EPN3: variants seen among roughly 807,000 people sequenced by gnomAD.
EPN3 encodes epsin 3.
A neutral mutation model predicts 55.5 loss-of-function variants in EPN3; 56 were observed. The observed-to-expected ratio is 1.01, with a 90% CI of 0.81 to 1.26. EPN3 has a LOEUF of 1.26. Among genes scored for constraint, EPN3 ranks in the 50% most tolerant of loss-of-function variants. EPN3 has a pLI of 0.00. For missense variants in EPN3, 927 were observed against 853.4 expected, an observed-to-expected ratio of 1.09 and a Z score of -1.07; for synonymous variants, 449 against 375.2, an observed-to-expected ratio of 1.20 and a Z score of -2.27.
In EPN3 at chr17:50,536,718, C is replaced by T. The variant is rs754441258; in HGVS notation, c.162C>T (p.Thr54=). 26 of 1,614,128 alleles carry T rather than the reference C, an allele frequency of 1.6e-5. No homozygotes were observed. The South Asian group carries it at 2.4e-4, about 15-fold the overall frequency. Residue 54 remains threonine (T), a synonymous_variant, in exon 2 of 10, where the codon ACC becomes ACT. Coordinates refer to ENST00000268933, the MANE Select transcript of EPN3 (RefSeq NM_017957.3). The part of the protein sequence containing the change: ...ADLTFNTVAF[T]EVMGMLWRRL... ...TGACCTTCAACACAGTGGCCTTCACCGAAGTCATGGGCATGCTGTGGCGGC... is the reference window on the plus strand; with the variant it reads ...TGACCTTCAACACAGTGGCCTTCACTGAAGTCATGGGCATGCTGTGGCGGC...
At chr17:50,540,490 G>T (rs566702387) in intron 6 of EPN3, among the ~76,000 whole-genome samples, 156 bp downstream of exon 6, 1 of 152,294 alleles carries the variant, frequency 6.6e-6, no homozygotes, top group South Asian at 2.1e-4. Flanking sequence ...ACAGGCTTTC[G>T]TAGTGAGGGC....
At chr17:50,538,342 C>T (rs762433864) in intron 3 of EPN3, 145 bp downstream of exon 3, 16 of 628,136 alleles carry the variant, frequency 2.5e-5, no homozygotes, top group Non-Finnish European at 3.8e-5. Context: ...TTATCTCTGT[C>T]GGTTTGTCGC....
At chr17:50,541,792 C>G in intron 9 of EPN3, 52 bp from the exon 10 acceptor site, 9 of 1,609,502 alleles carry the variant, frequency 5.6e-6, no homozygotes, top group Non-Finnish European at 7.6e-6. Flanking sequence ...CCACGACCTC[C>G]CGGTGTAGGG....
intron 4 of EPN3, 40 bp downstream of exon 4, chr17:50,539,004 G>A (rs1013642014): frequency 3.2e-6 from 5 of 1,564,878 alleles, no homozygotes; most frequent in Admixed American, 1.8e-5. Context: ...TGCTGCTGCT[G>A]CTGCTGGTGG....
chr17:50,536,424 C>A lies in EPN3; in HGVS notation c.-133C>A. ...TTCCTGGCCCTCTCTTCCTCAGCCC[C>A]ATGTGGAACCCAAGGATGCAGCTGC... On this transcript the variant is annotated 5_prime_UTR_variant, in exon 2 of 10. Coordinates refer to ENST00000268933, the MANE Select transcript of EPN3 (RefSeq NM_017957.3). 6.6e-7 allele frequency: 1 copy of A among 1,515,632 alleles called. No homozygotes were observed. Among genetic ancestry groups the A allele is most frequent in the East Asian group, 2.3e-5 (1 of 43,296 alleles). 93.9% of individuals were successfully genotyped at this position (1,515,632 alleles called of 1,614,324 possible).
At chr17:50,537,159 C>T (rs1473336291) in intron 2 of EPN3, 41 bp downstream of exon 2, 2 of 1,510,468 alleles carry the variant, frequency 1.3e-6, no homozygotes, top group Non-Finnish European at 1.8e-6. Context: ...GGGAGGTGGC[C>T]CGACTTCCAT....
Position 50,541,229 on chromosome 17 carries a change from G to T in EPN3, c.1250G>T (p.Gly417Val). ...GASLETSDTP[G>V]GASTFDPFAK... ...CTCCTCTTCCTCTCTCTCTTCCGAG[G>T]TGGTGCCTCGACCTTTGACCCATTT... Residue 417 changes from glycine (G) to valine (V), a missense_variant and splice_region_variant, in exon 8 of 10, where the codon GGT (glycine) becomes GTT (valine). Transcript: ENST00000268933. 1 of 1,613,724 alleles carries T rather than the reference G, an allele frequency of 6.2e-7. No homozygotes were observed. Among genetic ancestry groups the T allele is most frequent in the South Asian group, 1.1e-5 (1 of 91,078 alleles).
In EPN3 at chr17:50,537,094, C is replaced by T. The variant is rs750549248; in HGVS notation, c.538C>T (p.Arg180Trp). The T allele has an allele frequency of 1.1e-5, 17 of 1,606,452 alleles. No individual in the cohort carries two copies. Among genetic ancestry groups the T allele is most frequent in the African/African-American group, 4.0e-5 (3 of 74,862 alleles). ...RRYGEDYSRS[R>W]GSPSSYNSSS... Reference sequence around the variant, plus strand: ...CTACGGCGAGGACTACAGCCGCTCCCGGGGCTCCCCGTCCTCCTACAACTG... The same window carrying T: ...CTACGGCGAGGACTACAGCCGCTCCTGGGGCTCCCCGTCCTCCTACAACTG... Residue 180 changes from arginine to tryptophan, a missense_variant, in exon 2 of 10, where the codon CGG becomes TGG. Coordinates refer to ENST00000268933, the MANE Select transcript of EPN3 (RefSeq NM_017957.3).
Position 50,536,518 on chromosome 17 carries a change from C to T in EPN3, c.-39C>T, listed in dbSNP as rs535598901. 6.6e-5 allele frequency: 106 copies of T among 1,611,622 alleles called. No homozygotes were observed. The highest frequency in any genetic ancestry group is 1.7e-4 in the Admixed American group (10 of 60,012). On this transcript the variant is annotated 5_prime_UTR_variant, in exon 2 of 10. Transcript: ENST00000268933. ...ACAGTGGCCCTCAGCCCTCCACCTC[C>T]GGCGGGGGCGAGGGCCACCCACCTC...
intron 9 of EPN3, 63 bp from the exon 10 acceptor site, chr17:50,541,781 T>C: frequency 6.2e-7 from 1 of 1,608,880 alleles, no homozygotes. Context: ...CTTCCCAACT[T>C]CCACGACCTC....
intron 5 of EPN3, among the ~76,000 whole-genome samples, chr17:50,539,523 A>AT (rs2034815551): frequency 6.6e-6 from 1 of 152,132 alleles, no homozygotes; most frequent in South Asian, 2.1e-4. Context: ...AAGGTTCCTG[A>AT]TTGGAGACCC....
chr17:50,538,939 G>T lies in EPN3; in HGVS notation c.737G>T (p.Arg246Leu). 4 of 1,607,846 alleles carry T rather than the reference G, an allele frequency of 2.5e-6. No individual in the cohort carries two copies. The highest frequency in any genetic ancestry group is 3.4e-6 in the Non-Finnish European group (4 of 1,176,316). The change falls in exon 4 of 10, where the codon CGC becomes CTC. Residue 246 changes from arginine to leucine, a missense_variant. By Grantham distance (102) the Arg-to-Leu change is moderately radical. Transcript: ENST00000268933. ...DEDLQLQLAL[R>L]LSRQEHEKEV... is the part of the protein sequence containing the mutation. ...GACCTGCAGCTGCAGCTGGCTCTGC[G>T]CCTGAGCCGGCAGGAGCACGAGAAG... is the stretch of plus-strand genomic sequence containing the variant.
Position 50,542,218 on chromosome 17 carries a change from G to C in EPN3, c.*61G>C. On this transcript the variant is annotated 3_prime_UTR_variant, in exon 10 of 10. Coordinates refer to ENST00000268933, the MANE Select transcript of EPN3 (RefSeq NM_017957.3). ...CGGACGCTCCGCGGCCCCGCCTCCG[G>C]ACCCGGGGCTGGGCGGGGCGCCGGT... is the stretch of plus-strand genomic sequence containing the variant. 5 of 1,403,338 alleles carry C rather than the reference G, an allele frequency of 3.6e-6. No individual in the cohort carries two copies. The South Asian group carries it at 6.1e-5, about 17-fold the overall frequency. The allele number at this position is 1,403,338 out of a possible 1,614,324, so 86.9% of individuals were successfully genotyped here.
intron 3 of EPN3, chr17:50,538,527 G>A (rs918205217): frequency 5.7e-5 from 15 of 264,012 alleles, no homozygotes; most frequent in East Asian, 3.4e-4. Flanking sequence ...TCCCACCCCC[G>A]CCCACCAGCT....
chr17:50,541,120 A>G (rs2034843102), intron 7 of EPN3, 58 bp downstream of exon 7: 2 of 1,579,162 alleles, frequency 1.3e-6, no homozygotes, highest in East Asian at 2.2e-5. Context: ...GGCAGGGCCA[A>G]GGGGCAGCAG....
chr17:50,541,754 C>T (rs1161721195), intron 9 of EPN3, 60 bp downstream of exon 9: 3 of 1,606,196 alleles, frequency 1.9e-6, no homozygotes, highest in East Asian at 4.5e-5. Context: ...TAGCCTCCGC[C>T]GGAGGAGCCC....
rs773881528 is a variant in EPN3 at position 50,542,123 on chromosome 17, C to T, written c.1865C>T (p.Pro622Leu). 6.6e-7 allele frequency: 1 copy of T among 1,523,066 alleles called. No individual in the cohort carries two copies. Among genetic ancestry groups the T allele is most frequent in the South Asian group, 1.2e-5 (1 of 82,496 alleles). 94.3% of individuals were successfully genotyped at this position (1,523,066 alleles called of 1,614,324 possible). Residue 622 changes from proline to leucine, a missense_variant, in exon 10 of 10, where the codon CCG becomes CTG. Pro to Leu is a moderately conservative substitution (Grantham distance 98). Transcript: ENST00000268933. ...CCGAGCTCAGCCGGGCCGCGGCCCC[C>T]GCCCCCGCAGACCGGCACCAACCCC... ...PTPSSAGPRPPPPQTGTNPFL is the reference protein window; with the variant it reads ...PTPSSAGPRPLPPQTGTNPFL
rs2034764784 is a variant in EPN3 at position 50,536,539 on chromosome 17, A to G, written c.-18A>G. ...CCTCCGGCGGGGGCGAGGGCCACCC[A>G]CCTCCAAGTCTCCAGCCATGACGAC... On this transcript the variant is annotated 5_prime_UTR_variant, in exon 2 of 10. Transcript: ENST00000268933. The G allele has an allele frequency of 3.1e-6, 5 of 1,612,908 alleles. No individual in the cohort carries two copies. The African/African-American group carries it at 5.3e-5, about 17-fold the overall frequency.
rs755882867 is a variant in EPN3 at position 50,538,209 on chromosome 17, C to A, written c.681+12C>A. 7.5e-6 allele frequency: 12 copies of A among 1,599,066 alleles called. No homozygotes were observed. The Admixed American group carries it at 1.0e-4, about 13-fold the overall frequency. ...AGGAGGCAGAGAAGGTGAGGCCATG[C>A]AGCCCCACTGCGGTGGGGAGGGGAT... On this transcript the variant is annotated intron_variant, in intron 3 of 9. Transcript: ENST00000268933.
Sources: gnomAD v4.1 joint callset for allele counts (sites outside exome capture counted in the v4.1 genomes callset) on GRCh38, gnomAD v4.1.1 for gene constraint, MANE v1.5 for transcripts, NCBI Gene and HGNC (gene_info 2026-07-23, HGNC 2026-07-21) for gene names.